The following NAXD variants were observed in gnomAD, a reference collection of about 807,000 sequenced individuals.
NAXD encodes the protein ATP-dependent (S)-NAD(P)H-hydrate dehydratase.
NAXD carries 22 observed loss-of-function variants against 35.8 expected under a neutral mutation model. That is an observed-to-expected ratio of 0.62 (90% CI 0.44 to 0.88). The LOEUF (loss-of-function observed/expected upper bound fraction) is 0.88. NAXD is among the 40% of genes least tolerant of loss of function. The pLI, the probability that NAXD is intolerant of heterozygous loss-of-function variation, is 0.00. For synonymous variants in NAXD, 189 were observed against 177.6 expected (o/e 1.06, Z -0.51); for missense variants, 428 against 437.7 (o/e 0.98, Z 0.20).
At chr13:110,616,144 C>A (rs186665130) in intron 1 of NAXD, 57 of 244,326 alleles carry the variant, frequency 2.3e-4, no homozygotes, top group African/African-American at 1.1e-3. Flanking sequence ...GAAAGATGCT[C>A]GCCAACTGCG....
intron 4 of NAXD, 85 bp downstream of exon 4, chr13:110,625,363 TGATG>T (rs141397891): frequency 0.024 from 20,791 of 881,626 alleles, 852 homozygotes; most frequent in African/African-American, 0.15. Flanking sequence ...GAAAGCGTCC[TGATG>T]GATTTTCCAT....
intron 1 of NAXD, among the ~76,000 whole-genome samples, chr13:110,621,345 G>A (rs1886255475): frequency 6.6e-6 from 1 of 152,166 alleles, no homozygotes; most frequent in Non-Finnish European, 1.5e-5. Context: ...AAACTTTCTG[G>A]AAAATTAAAT....
At chr13:110,637,308 C>G in intron 9 of NAXD, 59 bp downstream of exon 9, 6 of 1,597,258 alleles carry the variant, frequency 3.8e-6, no homozygotes, top group Non-Finnish European at 5.1e-6. Context: ...TAAGCTGTTT[C>G]AGTAGCTCAT....
intron 5 of NAXD, among the ~76,000 whole-genome samples, chr13:110,632,744 T>C (rs1349522067): frequency 1.3e-5 from 2 of 150,330 alleles, no homozygotes; most frequent in Non-Finnish European, 2.9e-5. Flanking sequence ...GTATTTACAA[T>C]CCCTGACCTA....
rs1174018732 is a variant in NAXD at position 110,637,352 on chromosome 13, T to C, written c.839+103T>C. ...TAAGTAGCCCTGGAAACACTGACAA[T>C]GAACTCTAGGCTTCACTGGAGAGAT... On this transcript the variant is annotated intron_variant, in intron 9 of 9. Coordinates refer to ENST00000680254, the MANE Select transcript of NAXD (RefSeq NM_001242882.2). 5 of 1,350,108 alleles carry C rather than the reference T, an allele frequency of 3.7e-6. No homozygotes were observed. In the African/African-American group the frequency reaches 4.3e-5, roughly 12 times the overall value. The allele number at this position is 1,350,108 out of a possible 1,614,324, so 83.6% of individuals were successfully genotyped here. A position where few individuals can be genotyped will look rare whatever the true frequency, so the allele number is the denominator to read the frequency against.
rs190165499 is a variant in NAXD, at chr13:110,632,620, C to G, written c.442-1925C>G. 1.1e-4 allele frequency among the ~76,000 whole-genome samples: 17 copies of G among 152,206 alleles called. No homozygotes were observed. The East Asian group carries it at 3.3e-3, about 29-fold the overall frequency. The stretch of plus-strand genomic sequence containing the variant: ...GACACACAGGTTCTCCAAGGCCCCA[C>G]CAGAGCATCTAGATACAGAGTGTCG... On this transcript the variant is annotated intron_variant, in intron 5 of 9. Coordinates refer to ENST00000680254, the MANE Select transcript of NAXD (RefSeq NM_001242882.2).
At chr13:110,620,351 G>A (rs977981235) in intron 1 of NAXD, among the ~76,000 whole-genome samples, 1 of 151,872 alleles carries the variant, frequency 6.6e-6, no homozygotes, top group Non-Finnish European at 1.5e-5. Context: ...GGAGGCCGAG[G>A]TGGGCAGATC....
chr13:110,629,360 C>T (rs1378868465), intron 5 of NAXD, among the ~76,000 whole-genome samples: 3 of 152,276 alleles, frequency 2.0e-5, no homozygotes, highest in East Asian at 3.9e-4. Context: ...GTGAACTATG[C>T]GGTGGCTTCA....
chr13:110,619,806 C>CT (rs55798876), intron 1 of NAXD, among the ~76,000 whole-genome samples: 22 of 151,464 alleles, frequency 1.5e-4, no homozygotes, highest in South Asian at 2.1e-4. Context: ...CCATAAATGT[C>CT]TTTTTTTTTG....
intron 4 of NAXD, among the ~76,000 whole-genome samples, chr13:110,626,529 G>C (rs1416507185): frequency 7.3e-6 from 1 of 137,604 alleles, no homozygotes; most frequent in African/African-American, 2.6e-5. Context: ...CTTAAAGCTG[G>C]AAGACGAGGG....
intron 5 of NAXD, among the ~76,000 whole-genome samples, chr13:110,629,400 A>G (rs1360929189): frequency 1.3e-5 from 2 of 152,250 alleles, no homozygotes; most frequent in East Asian, 3.8e-4. Context: ...AACCATCACC[A>G]TGATCAACCT....
In NAXD at chr13:110,638,150, C is replaced by T. The variant is rs1394184540; in HGVS notation, c.840-228C>T. 7 of 1,302,428 alleles carry T rather than the reference C, an allele frequency of 5.4e-6. No individual in the cohort carries two copies. The highest frequency in any genetic ancestry group is 2.9e-5 in the South Asian group (2 of 70,142). 80.7% of individuals were successfully genotyped at this position (1,302,428 alleles called of 1,614,324 possible). A position where few individuals can be genotyped will look rare whatever the true frequency, so the allele number is the denominator to read the frequency against. ...TGTGCCCTAGCCCTGGACCTGTCTC[C>T]GAGTACATAGACGTTTCCTGTGTGC... On this transcript the variant is annotated intron_variant, in intron 9 of 9. Transcript: ENST00000680254. The surrounding 1 kb of genome is among the most constrained non-coding windows in gnomAD (Gnocchi z 5.4).
At chr13:110,616,711 T>G (rs2139622722) in intron 1 of NAXD, among the ~76,000 whole-genome samples, 1 of 152,352 alleles carries the variant, frequency 6.6e-6, no homozygotes, top group East Asian at 1.9e-4. Context: ...TATATCTCAT[T>G]TCTCATAAGG....
chr13:110,627,755 T>C (rs1886549228), intron 5 of NAXD, among the ~76,000 whole-genome samples: 1 of 152,146 alleles, frequency 6.6e-6, no homozygotes, highest in Non-Finnish European at 1.5e-5. Flanking sequence ...GCCCGACTGT[T>C]TTCTCATGGA....
rs1382178930 is a variant in NAXD, at chr13:110,627,464, G to A, written c.358G>A (p.Val120Met). ...TGACAGCCCCAATGCTGTTCATGAG[G>A]TGGAGAAGTGGCTGCCCCGGCTGCA... Reference protein sequence around the residue: ...VLDSPNAVHEVEKWLPRLHAL... With the variant: ...VLDSPNAVHEMEKWLPRLHAL... The change falls in exon 5 of 10, where the codon GTG becomes ATG. Residue 120 changes from valine (V) to methionine (M), a missense_variant. Physicochemically the swap from Val to Met is conservative, Grantham distance 21 (BLOSUM62 1). Around this residue, in one of 3 missense-constraint regions of NAXD, gnomAD observed 208 missense variants for 193.0 expected, o/e 1.08. Transcript: ENST00000680254. 1.2e-6 allele frequency: 2 copies of A among 1,614,076 alleles called. No individual in the cohort carries two copies. The highest frequency in any genetic ancestry group is 1.7e-5 in the Admixed American group (1 of 60,018).
intron 4 of NAXD, 38 bp from the exon 5 acceptor site, chr13:110,627,401 T>G (rs1292682949): frequency 7.4e-7 from 1 of 1,349,866 alleles, no homozygotes; most frequent in Admixed American, 1.7e-5. Context: ...AAATGAGGAA[T>G]TGTGGGTAAC....
Position 110,628,759 on chromosome 13 carries a change from TG to T in NAXD, c.441+1216del, listed in dbSNP as rs1382755585. On this transcript the variant is annotated intron_variant, in intron 5 of 9. Transcript: ENST00000680254. This position sits in a 1 kb window ranked among gnomAD's most constrained non-coding sequence, Gnocchi z 4.1. The stretch of plus-strand genomic sequence containing the variant: ...GTCATCCCCGGGGAGAGGCTCTCAA[TG>T]GGGAGTCCCATCTGCAGGCTGCGGG... Among the ~76,000 whole-genome samples the T allele has an allele frequency of 6.6e-6, 1 of 152,070 alleles. No homozygotes were observed. Among genetic ancestry groups the T allele is most frequent in the Non-Finnish European group, 1.5e-5 (1 of 67,998 alleles).
Position 110,625,224 on chromosome 13 carries a change from C to T in NAXD, c.278C>T (p.Ala93Val), listed in dbSNP as rs760064591. The change falls in exon 4 of 10, where the codon GCG becomes GTG. Residue 93 changes from alanine to valine, a missense_variant. This residue lies in a region of NAXD where 208 missense variants were observed against 193.0 expected (regional missense o/e 1.08). Transcript: ENST00000680254. ...ADLSHVFCASAAAPVIKAYSP... is the reference protein window; with the variant it reads ...ADLSHVFCASVAAPVIKAYSP... ...TTGTCCCACGTGTTCTGTGCCAGTG[C>T]GGCCGCACCTGTGATTAAGGCCTAC... The T allele has an allele frequency of 4.1e-5, 66 of 1,613,736 alleles. No individual in the cohort carries two copies. Among genetic ancestry groups the T allele is most frequent in the Middle Eastern group, 1.6e-4 (1 of 6,082 alleles).
intron 5 of NAXD, among the ~76,000 whole-genome samples, chr13:110,632,454 T>C (rs984958689): frequency 6.6e-6 from 1 of 152,192 alleles, no homozygotes; most frequent in Non-Finnish European, 1.5e-5. Context: ...TTTATTCTCT[T>C]ATCCGGCCCC....
Sources: gnomAD v4.1 joint callset for allele counts (sites outside exome capture counted in the v4.1 genomes callset) on GRCh38, gnomAD v4.1.1 for gene constraint, gnomAD v4.1.1 regional missense constraint, Gnocchi (gnomAD v3.1) non-coding constraint, MANE v1.5 for transcripts, NCBI Gene and HGNC (gene_info 2026-07-23, HGNC 2026-07-21) for gene names.